The following GTF3C3 variants were observed in gnomAD, a reference collection of about 807,000 sequenced individuals.
GTF3C3 encodes the protein general transcription factor 3C polypeptide 3.
GTF3C3 carries 75 observed loss-of-function variants against 105.2 expected under a neutral mutation model. The observed-to-expected ratio is 0.71, with a 90% CI of 0.59 to 0.86. GTF3C3 has a LOEUF of 0.86. GTF3C3 is among the 40% of genes least tolerant of loss of function. GTF3C3 has a pLI of 0.00. For synonymous variants in GTF3C3, 335 were observed against 370.4 expected (o/e 0.90, Z 1.10); for missense variants, 856 against 1,076.5 (o/e 0.80, Z 2.87).
intron 13 of GTF3C3, 105 bp downstream of exon 13, chr2:196,775,011 T>A: frequency 1.3e-6 from 1 of 757,704 alleles, no homozygotes; most frequent in Non-Finnish European, 2.0e-6. Context: ...AATTTCATTT[T>A]ATTTGAAAAG....
At chr2:196,769,482 A>G (rs1699131643) in intron 16 of GTF3C3, among the ~76,000 whole-genome samples, 1 of 152,234 alleles carries the variant, frequency 6.6e-6, no homozygotes, top group Non-Finnish European at 1.5e-5. Flanking sequence ...CATAATTTCA[A>G]ATTATTATAA....
At chr2:196,779,618 G>A (rs541380742) in intron 9 of GTF3C3, among the ~76,000 whole-genome samples, 12 of 152,174 alleles carry the variant, frequency 7.9e-5, no homozygotes, top group Non-Finnish European at 1.6e-4. Context: ...CCAGCACAAC[G>A]TCTTGTGCCT....
intron 13 of GTF3C3, among the ~76,000 whole-genome samples, chr2:196,773,988 C>T (rs1218514076): frequency 6.6e-6 from 1 of 152,180 alleles, no homozygotes. Flanking sequence ...TAGAGGATTA[C>T]GTACATACAG....
At chr2:196,799,235 C>T in intron 1 of GTF3C3, 1 of 354,712 alleles carries the variant, frequency 2.8e-6, no homozygotes, top group Admixed American at 4.1e-5. Flanking sequence ...TCCCATTTAA[C>T]TTACCAGCGT....
chr2:196,787,493 T>C (rs965224661), intron 6 of GTF3C3, among the ~76,000 whole-genome samples: 1 of 152,144 alleles, frequency 6.6e-6, no homozygotes, highest in African/African-American at 2.4e-5. Flanking sequence ...TAACCATACT[T>C]TGCACTTCCT....
intron 8 of GTF3C3, among the ~76,000 whole-genome samples, chr2:196,784,280 C>T (rs1303135304): frequency 6.6e-6 from 1 of 152,056 alleles, no homozygotes; most frequent in East Asian, 1.9e-4. Context: ...ATATACTCTG[C>T]TCATAAAGAT....
chr2:196,765,931 A>G (rs1454397944), intron 17 of GTF3C3, among the ~76,000 whole-genome samples: 1 of 144,868 alleles, frequency 6.9e-6, no homozygotes, highest in Non-Finnish European at 1.5e-5. Context: ...AATGGCGTGA[A>G]CCCGGGAGGC....
chr2:196,770,934 G>A (rs907968369), intron 15 of GTF3C3, among the ~76,000 whole-genome samples: 40 of 152,256 alleles, frequency 2.6e-4, no homozygotes, highest in African/African-American at 8.2e-4. Context: ...CTGGATGAAC[G>A]ATGATAAAAA....
At chr2:196,773,314 T>C (rs1049897239) in intron 13 of GTF3C3, among the ~76,000 whole-genome samples, 161 bp from the exon 14 acceptor site, 2 of 152,230 alleles carry the variant, frequency 1.3e-5, no homozygotes. Flanking sequence ...GTTGCTTGCT[T>C]ACACTCCTTC....
chr2:196,789,164 A>AT, intron 6 of GTF3C3, 40 bp downstream of exon 6: 1 of 1,504,982 alleles, frequency 6.6e-7, no homozygotes, highest in Admixed American at 2.1e-5. Context: ...GCAAAACAAG[A>AT]TTAACAGGAG....
rs547887515 is a variant in GTF3C3, at chr2:196,776,410, T to C, written c.1593+17A>G. On this transcript the variant is annotated intron_variant, in intron 11 of 17. Coordinates refer to ENST00000263956, the MANE Select transcript of GTF3C3 (RefSeq NM_012086.5). This position sits in a 1 kb window ranked among gnomAD's most constrained non-coding sequence, Gnocchi z 4.5. ...TAATATACCAAGAAAAACTTCCCTC[T>C]ATGTGACATGGCCCACCTGCTGTGC... 12 of 1,602,544 alleles carry C rather than the reference T, an allele frequency of 7.5e-6. No individual in the cohort carries two copies. The African/African-American group carries it at 1.5e-4, about 20-fold the overall frequency.
At chr2:196,787,089 C>T (rs1394993641) in intron 6 of GTF3C3, among the ~76,000 whole-genome samples, 3 of 152,030 alleles carry the variant, frequency 2.0e-5, no homozygotes, top group Admixed American at 1.3e-4. Context: ...TATACCCTGT[C>T]CACCTCCCCA....
Position 196,789,885 on chromosome 2 carries a change from T to G in GTF3C3, c.721A>C (p.Thr241Pro). Residue 241 changes from threonine to proline, a missense_variant, in exon 5 of 18, where the codon ACA becomes CCA. By Grantham distance (38) the Thr-to-Pro change is conservative. This residue lies in a region of GTF3C3 where 605 missense variants were observed against 833.6 expected (regional missense o/e 0.73). Coordinates refer to ENST00000263956, the MANE Select transcript of GTF3C3 (RefSeq NM_012086.5). ...AAAAAAAAATTTTAATTACCTTTTG[T>G]ATAGCAAAAAATAGCCTGCTTAATA... ...DNIKQAIFCY[T>P]KALKYEPTNV... is the part of the protein sequence containing the mutation. 6.4e-7 allele frequency: 1 copy of G among 1,567,420 alleles called. No homozygotes were observed. The highest frequency in any genetic ancestry group is 8.6e-7 in the Non-Finnish European group (1 of 1,163,542).
rs781450990 is a variant in GTF3C3 at position 196,763,783 on chromosome 2, T to TAAAC, written c.*776_*779dup. ...ACATATAATAAATAGTGGAGATGAGTAAACAAACAAAAAAAAAGTTTTTTA... is the reference window on the plus strand; with the variant it reads ...ACATATAATAAATAGTGGAGATGAGTAAACAAACAAACAAAAAAAAAGTTTTTTA... On this transcript the variant is annotated 3_prime_UTR_variant, in exon 18 of 18. Coordinates refer to ENST00000263956, the MANE Select transcript of GTF3C3 (RefSeq NM_012086.5). The TAAAC allele has an allele frequency of 8.5e-5, 13 of 152,100 alleles. No homozygotes were observed. Among genetic ancestry groups the TAAAC allele is most frequent in the African/African-American group, 2.7e-4 (11 of 41,438 alleles). 9.4% of individuals were successfully genotyped at this position (152,100 alleles called of 1,614,324 possible).
intron 10 of GTF3C3, 33 bp downstream of exon 10, chr2:196,778,863 T>C (rs1381130206): frequency 1.3e-6 from 2 of 1,595,138 alleles, no homozygotes; most frequent in East Asian, 4.5e-5. Context: ...GCTTATATGA[T>C]TAAAACTTCT....
rs28508359 is a variant in GTF3C3 at position 196,768,164 on chromosome 2, C to T, written c.2386-1447G>A. On this transcript the variant is annotated intron_variant, in intron 16 of 17. Transcript: ENST00000263956. ...TCCCGAGTAGCTGGGATTACAGGCA[C>T]ACGCCACCACACCTGGCTCATTTTT... Among the ~76,000 whole-genome samples the T allele has an allele frequency of 8.9e-3, 1,350 of 152,158 alleles. 18 individuals carry two copies. Among genetic ancestry groups the T allele is most frequent in the African/African-American group, 0.031 (1,282 of 41,492 alleles).
At chr2:196,772,287 G>A (rs1699187387) in intron 14 of GTF3C3, among the ~76,000 whole-genome samples, 1 of 152,172 alleles carries the variant, frequency 6.6e-6, no homozygotes, top group Non-Finnish European at 1.5e-5. Flanking sequence ...GCCGGGCACC[G>A]TGGCTCACGC....
intron 3 of GTF3C3, chr2:196,791,825 T>C: frequency 5.9e-6 from 1 of 168,140 alleles, no homozygotes; most frequent in Non-Finnish European, 1.3e-5. Context: ...CAATCTCAGC[T>C]ACTTGGTAGG....
In GTF3C3 at chr2:196,771,838, G is replaced by A. The variant is rs766555081; in HGVS notation, c.2170C>T (p.Arg724Cys). ...QDVRHHRFCL[R>C]LMLKNPENHA... ...TTTTCTGGGTTTTTCAGCATCAAACGGAGACAGAAGCGATGATGTCGTACA... is the reference window on the plus strand; with the variant it reads ...TTTTCTGGGTTTTTCAGCATCAAACAGAGACAGAAGCGATGATGTCGTACA... The change falls in exon 15 of 18, where the codon CGT (arginine) becomes TGT (cysteine). Residue 724 changes from arginine to cysteine, a missense_variant. Around this residue, in one of 3 missense-constraint regions of GTF3C3, gnomAD observed 605 missense variants for 833.6 expected, o/e 0.73. Transcript: ENST00000263956. The A allele has an allele frequency of 9.9e-6, 16 of 1,611,442 alleles. No individual in the cohort carries two copies. The highest frequency in any genetic ancestry group is 1.1e-5 in the Non-Finnish European group (13 of 1,177,530).
Sources: gnomAD v4.1 joint callset for allele counts (sites outside exome capture counted in the v4.1 genomes callset) on GRCh38, gnomAD v4.1.1 for gene constraint, gnomAD v4.1.1 regional missense constraint, Gnocchi (gnomAD v3.1) non-coding constraint, MANE v1.5 for transcripts, NCBI Gene and HGNC (gene_info 2026-07-23, HGNC 2026-07-21) for gene names.